Variants in COL6A5 observed in about 807,000 individuals in gnomAD.
COL6A5 encodes the protein collagen type VI alpha 5 chain.
COL6A5 carries 48 observed loss-of-function variants against 65.6 expected under a neutral mutation model. That is an observed-to-expected ratio of 0.73 (90% CI 0.58 to 0.93). The LOEUF is 0.93. Ranked by LOEUF, COL6A5 falls within the 40% of genes least tolerant of loss-of-function variation. The pLI, the probability that COL6A5 is intolerant of heterozygous loss-of-function variation, is 0.00. For missense variants in COL6A5, 914 were observed against 928.3 expected (o/e 0.98, Z 0.20); for synonymous variants, 291 against 322.8 (o/e 0.90, Z 1.05).
upstream of COL6A5, chr3:130,429,472 A>C (rs1937703318): frequency 9.8e-7 from 1 of 1,018,830 alleles, no homozygotes; most frequent in Middle Eastern, 2.1e-4. Context: ...TTGCAGTTAG[A>C]CTCAAATAAC....
At chr3:130,352,115 C>A (rs1235454760) in intron 1 of COL6A5, among the ~76,000 whole-genome samples, 1 of 152,098 alleles carries the variant, frequency 6.6e-6, no homozygotes, top group East Asian at 1.9e-4. Flanking sequence ...AATGAGAACA[C>A]TTGGATACAG....
chr3:130,345,674 A>G (rs1245837709), exon 1 of COL6A5: 5 of 398,554 alleles, frequency 1.3e-5, no homozygotes, highest in Non-Finnish European at 2.2e-5. Context: ...GTCTCTGGAC[A>G]CTCACATTAA....
At chr3:130,364,683 G>A (rs1935267155) in intron 1 of COL6A5, among the ~76,000 whole-genome samples, 1 of 152,180 alleles carries the variant, frequency 6.6e-6, no homozygotes, top group Non-Finnish European at 1.5e-5. Flanking sequence ...AGGGAAAAAC[G>A]ATGTGGATAC....
At chr3:130,388,159 G>A (rs1208069876) in intron 5 of COL6A5, among the ~76,000 whole-genome samples, 3 of 152,008 alleles carry the variant, frequency 2.0e-5, no homozygotes, top group African/African-American at 7.2e-5. Context: ...ATTTGAAATT[G>A]TGTTTCTCCA....
chr3:130,399,374 T>C (rs28695428), intron 10 of COL6A5, among the ~76,000 whole-genome samples: 185 of 123,864 alleles, frequency 1.5e-3, no homozygotes, highest in African/African-American at 5.4e-3. Context: ...TTCTTTCTTT[T>C]TTTTTTTTTT....
chr3:130,386,762 G>A (rs576478126), intron 5 of COL6A5, among the ~76,000 whole-genome samples: 4 of 152,168 alleles, frequency 2.6e-5, no homozygotes, highest in African/African-American at 7.2e-5. Context: ...GGTAGTTGCA[G>A]TTGAAGTAGT....
intron 18 of COL6A5, 135 bp downstream of exon 18, chr3:130,409,523 G>A: frequency 1.5e-6 from 1 of 687,702 alleles, no homozygotes; most frequent in South Asian, 2.8e-5. Flanking sequence ...TGTTGGCTGA[G>A]GCTTTGGGAA....
chr3:130,404,547 G>T (rs903747613), intron 13 of COL6A5, among the ~76,000 whole-genome samples: 1 of 152,112 alleles, frequency 6.6e-6, no homozygotes, highest in Non-Finnish European at 1.5e-5. Context: ...ACCACTAAGG[G>T]GGGTGCTCTA....
chr3:130,482,751 C>T (rs776875479), intron 7 of COL6A5, among the ~76,000 whole-genome samples: 4 of 152,020 alleles, frequency 2.6e-5, no homozygotes, highest in East Asian at 1.9e-4. Flanking sequence ...TCCTTGAAGA[C>T]GTCCTTCACA....
At chr3:130,350,130 T>G (rs1462258261) in intron 1 of COL6A5, among the ~76,000 whole-genome samples, 1 of 152,172 alleles carries the variant, frequency 6.6e-6, no homozygotes, top group Non-Finnish European at 1.5e-5. Flanking sequence ...GTACATTGCC[T>G]CATCAATCAA....
At chr3:130,454,953 C>A (rs954625314) in intron 4 of COL6A5, among the ~76,000 whole-genome samples, 6 of 152,086 alleles carry the variant, frequency 3.9e-5, no homozygotes, top group African/African-American at 1.4e-4. Flanking sequence ...CTAGCCTGGG[C>A]AATACAACAA....
In COL6A5 at chr3:130,440,181, ATGCT is replaced by A; in HGVS notation, c.601_604del (p.Cys202PhefsTer14). 1 of 1,611,134 alleles carries A rather than the reference ATGCT, an allele frequency of 6.2e-7. No individual in the cohort carries two copies. The highest frequency in any genetic ancestry group is 8.5e-7 in the Non-Finnish European group (1 of 1,178,204). On this transcript the variant is annotated frameshift_variant, in exon 3 of 8. Coordinates refer to ENST00000512836, the Ensembl canonical transcript of COL6A5. LOFTEE classifies it high-confidence loss of function. ...GTGTTTTCAGATAAATGTTTTCCAA[ATGCT>A]TGCATTCGAGAGGCTTTCTTACCTG...
chr3:130,438,404 A>AAT (rs1455127424), intron 1 of COL6A5, among the ~76,000 whole-genome samples: 130 of 151,942 alleles, frequency 8.6e-4, no homozygotes, highest in African/African-American at 2.7e-3. Context: ...TGAGTGAATG[A>AAT]GTGAATGAAT....
At chr3:130,387,241 A>G (rs557247005) in intron 5 of COL6A5, among the ~76,000 whole-genome samples, 131 of 152,176 alleles carry the variant, frequency 8.6e-4, no homozygotes, top group African/African-American at 3.0e-3. Context: ...CTTAGACACA[A>G]GGCCACAGCT....
chr3:130,473,302 G>A (rs1440094706), intron 7 of COL6A5, among the ~76,000 whole-genome samples: 1 of 151,920 alleles, frequency 6.6e-6, no homozygotes, highest in Non-Finnish European at 1.5e-5. Context: ...TTTCTTATGT[G>A]GCTTTATGCT....
Position 130,391,413 on chromosome 3 carries a change from G to A in COL6A5, c.2651G>A (p.Arg884His), listed in dbSNP as rs146510478. 6.2e-5 allele frequency: 96 copies of A among 1,551,682 alleles called. No homozygotes were observed. The African/African-American group carries it at 8.5e-4, about 14-fold the overall frequency. Residue 884 changes from arginine to histidine, a missense_variant and NMD_transcript_variant, in exon 7 of 42, where the codon CGC (arginine) becomes CAC (histidine). Coordinates refer to the COL6A5 transcript ENST00000312481. The stretch of plus-strand genomic sequence containing the variant: ...GCAATAATTGAGAATCTGCGGAAGC[G>A]CAGGGACACTGGAGGGAACACCTAC...
intron 7 of COL6A5, among the ~76,000 whole-genome samples, chr3:130,476,446 G>A (rs1164493522): frequency 6.6e-6 from 1 of 152,104 alleles, no homozygotes; most frequent in African/African-American, 2.4e-5. Context: ...TCACAGGAAA[G>A]AACCCTGTAA....
exon 3 of COL6A5, chr3:130,440,390 A>G: frequency 1.2e-6 from 2 of 1,613,556 alleles, no homozygotes; most frequent in Non-Finnish European, 1.7e-6. Context: ...TCCTTGGGAA[A>G]GTTCCAGGAG....
chr3:130,406,247 GT>G lies in COL6A5; in HGVS notation c.4426-16del, dbSNP rs1936990375. ...AAAATTTTTTTTAAGTGGGAATTTT[GT>G]TTTTCTTGTCTTCTTTTAGGGCTGT... is the stretch of plus-strand genomic sequence containing the variant. On this transcript the variant is annotated intron_variant and NMD_transcript_variant, in intron 16 of 41. Transcript: ENST00000312481. 1 of 1,549,964 alleles carries G rather than the reference GT, an allele frequency of 6.5e-7. No individual in the cohort carries two copies. Among genetic ancestry groups the G allele is most frequent in the African/African-American group, 1.4e-5 (1 of 73,016 alleles).
Sources: gnomAD v4.1 joint callset for allele counts (sites outside exome capture counted in the v4.1 genomes callset) on GRCh38, gnomAD v4.1.1 for gene constraint, MANE v1.5 for transcripts, NCBI Gene and HGNC (gene_info 2026-07-23, HGNC 2026-07-21) for gene names.